The following NEURL1 variants were observed in gnomAD, a reference collection of about 807,000 sequenced individuals.
NEURL1 encodes the protein E3 ubiquitin-protein ligase NEURL1.
In NEURL1, 26 loss-of-function variants were observed where a neutral mutation model predicts 41.2. That is an observed-to-expected ratio of 0.63 (90% CI 0.46 to 0.87). NEURL1 has a LOEUF of 0.87. NEURL1 is among the 40% of genes least tolerant of loss of function. NEURL1 has a pLI of 0.00. For synonymous variants in NEURL1, 400 were observed against 402.3 expected (o/e 0.99, Z 0.07); for missense variants, 761 against 871.1 (o/e 0.87, Z 1.59).
chr10:103,532,117 A>C (rs2034585244), intron 1 of NEURL1, among the ~76,000 whole-genome samples: 1 of 152,190 alleles, frequency 6.6e-6, no homozygotes, highest in Non-Finnish European at 1.5e-5. Context: ...GCATATAGTT[A>C]GGTCATTTAT....
At position 103,590,673 on chromosome 10, in the gene NEURL1, C is replaced by T; in HGVS notation, c.*301C>T. ...AGGGCTAAATTGGGATCTCAGCCTG[C>T]CCTAATCTTTCCCCATCTGAGGCAG... On this transcript the variant is annotated 3_prime_UTR_variant, in exon 6 of 6. Coordinates refer to ENST00000369780, the MANE Select transcript of NEURL1 (RefSeq NM_004210.5). 2.3e-6 allele frequency: 1 copy of T among 439,584 alleles called. No individual in the cohort carries two copies. Among genetic ancestry groups the T allele is most frequent in the African/African-American group, 2.0e-5 (1 of 50,656 alleles). The allele number at this position is 439,584 out of a possible 1,614,324, so 27.2% of individuals were successfully genotyped here.
At chr10:103,538,529 C>A (rs1381430627) in intron 1 of NEURL1, among the ~76,000 whole-genome samples, 1 of 150,550 alleles carries the variant, frequency 6.6e-6, no homozygotes, top group Non-Finnish European at 1.5e-5. Context: ...AGAGATAGTG[C>A]CACTGCACTC....
intron 1 of NEURL1, among the ~76,000 whole-genome samples, chr10:103,524,095 C>T (rs1365018271): frequency 6.6e-6 from 1 of 152,152 alleles, no homozygotes; most frequent in Non-Finnish European, 1.5e-5. Context: ...TCCTTGCCAG[C>T]ATTTGTAATT....
chr10:103,526,801 C>T (rs747611255), intron 1 of NEURL1, among the ~76,000 whole-genome samples: 3 of 152,246 alleles, frequency 2.0e-5, no homozygotes, highest in East Asian at 1.9e-4. Context: ...TGAGCCACCA[C>T]GCTGGCTGGT....
At chr10:103,510,180 T>C (rs1449983218) in intron 1 of NEURL1, among the ~76,000 whole-genome samples, 7 of 152,012 alleles carry the variant, frequency 4.6e-5, no homozygotes, top group Non-Finnish European at 8.8e-5. Context: ...TGTAAGACTG[T>C]TTGTGGGTAA....
At chr10:103,518,938 C>G (rs1207481898) in intron 1 of NEURL1, among the ~76,000 whole-genome samples, 1 of 152,128 alleles carries the variant, frequency 6.6e-6, no homozygotes, top group Admixed American at 6.6e-5. Flanking sequence ...ACAATAAGCA[C>G]ATATTGCTTT....
At chr10:103,501,428 C>A (rs942222782) in intron 1 of NEURL1, among the ~76,000 whole-genome samples, 1 of 151,656 alleles carries the variant, frequency 6.6e-6, no homozygotes, top group African/African-American at 2.4e-5. Context: ...TTCCCATGGG[C>A]AAGTCTGAAA....
chr10:103,498,316 C>T (rs2033736499), intron 1 of NEURL1, among the ~76,000 whole-genome samples: 2 of 152,210 alleles, frequency 1.3e-5, no homozygotes, highest in African/African-American at 2.4e-5. Context: ...CAAGCTCCGC[C>T]TCCCGGGTTC....
intron 3 of NEURL1, among the ~76,000 whole-genome samples, chr10:103,581,958 C>G (rs1178449016): frequency 6.6e-6 from 1 of 152,156 alleles, no homozygotes; most frequent in Non-Finnish European, 1.5e-5. Flanking sequence ...AGTTAGTGAG[C>G]ACCTGGTAGT....
chr10:103,498,004 G>A (rs550425779), intron 1 of NEURL1, among the ~76,000 whole-genome samples: 60 of 152,128 alleles, frequency 3.9e-4, no homozygotes, highest in Non-Finnish European at 2.4e-4. Context: ...AAGGGGGAAA[G>A]GCACTGACAG....
At chr10:103,575,286 CCTT>C (rs758088849) in intron 3 of NEURL1, among the ~76,000 whole-genome samples, 5 of 152,058 alleles carry the variant, frequency 3.3e-5, no homozygotes, top group Non-Finnish European at 7.4e-5. Context: ...GTCTTGGTGT[CCTT>C]CTCCCCGCTG....
At chr10:103,546,815 G>A (rs1205357481) in intron 1 of NEURL1, among the ~76,000 whole-genome samples, 1 of 152,256 alleles carries the variant, frequency 6.6e-6, no homozygotes. Flanking sequence ...CAGGTCAGAG[G>A]TGGGGGGAGA....
At chr10:103,519,404 C>T (rs1417567557) in intron 1 of NEURL1, among the ~76,000 whole-genome samples, 1 of 152,208 alleles carries the variant, frequency 6.6e-6, no homozygotes, top group Non-Finnish European at 1.5e-5. Context: ...TACGTGATTG[C>T]CAGTGGTTGT....
chr10:103,526,313 A>G (rs1234155229), intron 1 of NEURL1, among the ~76,000 whole-genome samples: 2 of 152,128 alleles, frequency 1.3e-5, no homozygotes, highest in African/African-American at 4.8e-5. Context: ...AAGAATTGGC[A>G]TTAGTTTTTC....
At chr10:103,525,094 C>T (rs1180746494) in intron 1 of NEURL1, among the ~76,000 whole-genome samples, 2 of 151,756 alleles carry the variant, frequency 1.3e-5, no homozygotes, top group South Asian at 2.1e-4. Flanking sequence ...TTTTTTATGT[C>T]CTCTTCAATT....
chr10:103,523,023 T>A (rs997316764), intron 1 of NEURL1, among the ~76,000 whole-genome samples: 2 of 152,166 alleles, frequency 1.3e-5, no homozygotes, highest in African/African-American at 4.8e-5. Context: ...TAATTATACA[T>A]TTTATGGGGT....
At chr10:103,546,386 G>A (rs984895593) in intron 1 of NEURL1, among the ~76,000 whole-genome samples, 1 of 152,186 alleles carries the variant, frequency 6.6e-6, no homozygotes, top group Non-Finnish European at 1.5e-5. Flanking sequence ...TTCTCTTTCT[G>A]TACAAAGGGA....
At chr10:103,528,401 G>A (rs958352576) in intron 1 of NEURL1, among the ~76,000 whole-genome samples, 11 of 151,874 alleles carry the variant, frequency 7.2e-5, no homozygotes, top group Admixed American at 5.9e-4. Context: ...CAGGTGTGGT[G>A]GTGTGTGCCT....
chr10:103,510,190 A>C (rs761496423), intron 1 of NEURL1, among the ~76,000 whole-genome samples: 37 of 152,142 alleles, frequency 2.4e-4, no homozygotes, highest in Non-Finnish European at 3.8e-4. Flanking sequence ...TTTGTGGGTA[A>C]GTCACTTATA....
Sources: allele counts gnomAD v4.1 joint callset (sites outside exome capture counted in the v4.1 genomes callset), GRCh38; gene constraint gnomAD v4.1.1; transcripts MANE v1.5; gene names NCBI Gene and HGNC (gene_info 2026-07-23, HGNC 2026-07-21).